Variants in KCNN2 observed in about 807,000 individuals in gnomAD.
The protein encoded by KCNN2 is small conductance calcium-activated potassium channel protein 2.
A neutral mutation model predicts 55.5 loss-of-function variants in KCNN2; 24 were observed. That is an observed-to-expected ratio of 0.43 (90% confidence interval 0.31 to 0.61). The LOEUF is 0.61. Ranked by LOEUF, KCNN2 falls within the 20% of genes least tolerant of loss-of-function variation. The pLI is 0.08. For synonymous variants in KCNN2, 431 were observed against 336.1 expected (o/e 1.28, Z -3.09); for missense variants, 754 against 853.6 (o/e 0.88, Z 1.45).
chr5:114,074,338 G>A (rs896344594), intron 1 of KCNN2, among the ~76,000 whole-genome samples: 8 of 151,798 alleles, frequency 5.3e-5, no homozygotes, highest in Admixed American at 2.0e-4. Flanking sequence ...GTGCGCGCGC[G>A]CGCCAGAGAG....
intron 6 of KCNN2, among the ~76,000 whole-genome samples, chr5:114,487,997 G>T (rs1007623633): frequency 2.6e-5 from 4 of 152,148 alleles, no homozygotes; most frequent in Non-Finnish European, 1.5e-5. Context: ...AATGAGATTT[G>T]TCTCTCAGAG....
intron 2 of KCNN2, among the ~76,000 whole-genome samples, chr5:114,223,869 A>G (rs74470330): frequency 0.011 from 1,604 of 152,226 alleles, 31 homozygotes; most frequent in African/African-American, 0.037. Context: ...ACCTTTGAAG[A>G]AGGGGGCCCC....
At chr5:114,175,946 G>A (rs2112547865) in intron 1 of KCNN2, among the ~76,000 whole-genome samples, 1 of 152,294 alleles carries the variant, frequency 6.6e-6, no homozygotes, top group African/African-American at 2.4e-5. Flanking sequence ...TTGCTATACA[G>A]TTATTTCTTA....
Position 114,320,588 on chromosome 5 carries a change from T to C in KCNN2, c.-184-40357T>C, listed in dbSNP as rs529784938. On this transcript the variant is annotated intron_variant, in intron 2 of 10. Transcript: ENST00000512097. ...GAGATCGCGCCACTGCACTCCAGCC[T>C]GGGTGACACAGCGAGACTCTGTCTC... Among the ~76,000 whole-genome samples the C allele has an allele frequency of 4.7e-4, 71 of 150,512 alleles. 1 individual carries two copies. Among genetic ancestry groups the C allele is most frequent in the Non-Finnish European group, 8.4e-4 (57 of 67,754 alleles).
At chr5:114,389,785 T>G (rs1758403505) in intron 2 of KCNN2, among the ~76,000 whole-genome samples, 1 of 152,200 alleles carries the variant, frequency 6.6e-6, no homozygotes, top group African/African-American at 2.4e-5. Context: ...TTGCTTCTGC[T>G]GGAAAGCAGG....
chr5:114,298,241 T>C (rs1756071642), intron 2 of KCNN2, among the ~76,000 whole-genome samples: 1 of 152,216 alleles, frequency 6.6e-6, no homozygotes, highest in Admixed American at 6.5e-5. Flanking sequence ...ACAGAGATGG[T>C]TCTGCTAGGA....
chr5:114,157,476 G>A (rs1239512261), intron 1 of KCNN2, among the ~76,000 whole-genome samples: 5 of 152,124 alleles, frequency 3.3e-5, no homozygotes, highest in Admixed American at 6.6e-5. Flanking sequence ...ACATGTGCAT[G>A]TGTCTTTATA....
At chr5:114,367,015 G>A (rs774446354) in intron 2 of KCNN2, among the ~76,000 whole-genome samples, 1 of 152,198 alleles carries the variant, frequency 6.6e-6, no homozygotes, top group Non-Finnish European at 1.5e-5. Context: ...AAAAGTAAGT[G>A]TTATAGCTGA....
chr5:114,170,277 C>T (rs1753005968), intron 1 of KCNN2, among the ~76,000 whole-genome samples: 1 of 151,998 alleles, frequency 6.6e-6, no homozygotes, highest in Non-Finnish European at 1.5e-5. Flanking sequence ...ATTCATTTAC[C>T]TCACAATATA....
rs185003661 is a variant in KCNN2 at position 114,076,930 on chromosome 5, G to C, written c.-271+20430G>C. Among the ~76,000 whole-genome samples, 1,054 of 152,168 alleles carry C rather than the reference G, an allele frequency of 6.9e-3. 19 individuals are homozygous for C. Among genetic ancestry groups the C allele is most frequent in the African/African-American group, 0.025 (1,028 of 41,514 alleles). ...GGATGGTCTTGAACTCCCAACCTCA[G>C]GTGATCCACCCACCTCGGCCTCCCA... is the stretch of plus-strand genomic sequence containing the variant. On this transcript the variant is annotated intron_variant, in intron 1 of 10. Coordinates refer to the KCNN2 transcript ENST00000512097.
At chr5:114,278,538 T>C (rs3112749) in intron 2 of KCNN2, among the ~76,000 whole-genome samples, 136,361 of 152,026 alleles carry the variant, frequency 0.9, 61,565 homozygotes, top group East Asian at 0.94. Flanking sequence ...TTTGTTTACA[T>C]TGTGAACATA....
chr5:114,079,619 A>G (rs1303421452), intron 1 of KCNN2, among the ~76,000 whole-genome samples: 1 of 152,122 alleles, frequency 6.6e-6, no homozygotes, highest in East Asian at 1.9e-4. Flanking sequence ...CTTTTTTAAT[A>G]CAGTAGAACG....
chr5:114,264,407 CTT>C (rs1755168428), intron 2 of KCNN2, among the ~76,000 whole-genome samples: 1 of 152,140 alleles, frequency 6.6e-6, no homozygotes, highest in South Asian at 2.1e-4. Flanking sequence ...CAACTAGTCT[CTT>C]TATATAAAAC....
chr5:114,414,661 TGTG>T (rs1759251580), intron 3 of KCNN2, among the ~76,000 whole-genome samples: 1 of 152,166 alleles, frequency 6.6e-6, no homozygotes, highest in African/African-American at 2.4e-5. Flanking sequence ...TAAACCATAG[TGTG>T]GTGGTAAAGT....
chr5:114,320,204 A>G lies in KCNN2; in HGVS notation c.-184-40741A>G, dbSNP rs952593275. ...GAATTTCATAGAGTAAAATCAACAT[A>G]CCCTGTCCTTCCTTGGGTCTGGATG... On this transcript the variant is annotated intron_variant, in intron 2 of 10. Transcript: ENST00000512097. Among the ~76,000 whole-genome samples the G allele has an allele frequency of 6.6e-5, 10 of 152,234 alleles. 1 individual carries two copies. The Middle Eastern group carries it at 0.01, about 155-fold the overall frequency.
At chr5:114,085,712 T>A (rs1245534774) in intron 1 of KCNN2, among the ~76,000 whole-genome samples, 1 of 152,052 alleles carries the variant, frequency 6.6e-6, no homozygotes, top group Non-Finnish European at 1.5e-5. Context: ...TAATTTTGAG[T>A]TATTATTTTG....
At chr5:114,256,135 A>AATCATCTTAAGTTCC (rs2150002245) in intron 2 of KCNN2, among the ~76,000 whole-genome samples, 1 of 152,288 alleles carries the variant, frequency 6.6e-6, no homozygotes, top group African/African-American at 2.4e-5. Flanking sequence ...TACTTAAGAT[A>AATCATCTTAAGTTCC]ATCATCTACA....
At chr5:114,342,247 T>C (rs185084066) in intron 2 of KCNN2, among the ~76,000 whole-genome samples, 80 of 152,212 alleles carry the variant, frequency 5.3e-4, no homozygotes, top group Admixed American at 2.9e-3. Flanking sequence ...ATTTTGCCAA[T>C]TCTCTTATGC....
At chr5:114,275,031 T>C (rs1312402595) in intron 2 of KCNN2, among the ~76,000 whole-genome samples, 1 of 152,134 alleles carries the variant, frequency 6.6e-6, no homozygotes, top group African/African-American at 2.4e-5. Flanking sequence ...TTATTGTGAG[T>C]TTTTAGCATG....
Sources: gnomAD v4.1 joint callset for allele counts (sites outside exome capture counted in the v4.1 genomes callset) on GRCh38, gnomAD v4.1.1 for gene constraint, MANE v1.5 for transcripts, NCBI Gene and HGNC (gene_info 2026-07-23, HGNC 2026-07-21) for gene names.